PLXDC2: variants seen among roughly 807,000 people sequenced by gnomAD.
The protein encoded by PLXDC2 is plexin domain-containing protein 2.
PLXDC2 carries 40 observed loss-of-function variants against 68.9 expected under a neutral mutation model. That is an observed-to-expected ratio of 0.58 (90% CI 0.45 to 0.76). PLXDC2 has a LOEUF of 0.76. Ranked by LOEUF, PLXDC2 falls within the 30% of genes least tolerant of loss-of-function variation. PLXDC2 has a pLI of 0.00. For synonymous variants in PLXDC2, 243 were observed against 234.2 expected (o/e 1.04, Z -0.34); for missense variants, 644 against 661.9 (o/e 0.97, Z 0.30).
At chr10:20,005,516 A>G (rs1164599806) in intron 2 of PLXDC2, among the ~76,000 whole-genome samples, 1 of 152,076 alleles carries the variant, frequency 6.6e-6, no homozygotes, top group African/African-American at 2.4e-5. Context: ...ATTCATAAAG[A>G]GAAGAGGTTG....
chr10:20,117,763 A>C (rs1400397982), intron 4 of PLXDC2, among the ~76,000 whole-genome samples: 1 of 152,192 alleles, frequency 6.6e-6, no homozygotes, highest in Non-Finnish European at 1.5e-5. Flanking sequence ...CCTAAAATAG[A>C]GTTGATGAAT....
chr10:19,942,678 C>T (rs1430267468), intron 1 of PLXDC2, among the ~76,000 whole-genome samples: 4 of 152,098 alleles, frequency 2.6e-5, no homozygotes. Flanking sequence ...GCAGGAGAAT[C>T]CCTTGAACCT....
At chr10:20,183,849 G>T (rs747104746) in intron 9 of PLXDC2, among the ~76,000 whole-genome samples, 1 of 151,934 alleles carries the variant, frequency 6.6e-6, no homozygotes, top group Non-Finnish European at 1.5e-5. Context: ...TTGGAGCATG[G>T]CATAAGATAT....
rs865915945 is a variant in PLXDC2 at position 19,837,382 on chromosome 10, A to G, written c.112+20191A>G. Among the ~76,000 whole-genome samples, 9 of 107,306 alleles carry G rather than the reference A, an allele frequency of 8.4e-5. No individual in the cohort carries two copies. In the East Asian group the frequency reaches 2.5e-3, roughly 29 times the overall value. 70.4% of individuals were successfully genotyped at this position (107,306 alleles called of 152,430 possible). ...ACATTGCTCTGTTTTCTCATTGAGT[A>G]AGTGAGAGAGAGAGAGAGAGAGAGA... On this transcript the variant is annotated intron_variant, in intron 1 of 13. Coordinates refer to ENST00000377252, the MANE Select transcript of PLXDC2 (RefSeq NM_032812.9).
At chr10:20,129,486 T>C (rs1833835622) in intron 4 of PLXDC2, among the ~76,000 whole-genome samples, 1 of 150,114 alleles carries the variant, frequency 6.7e-6, no homozygotes, top group Non-Finnish European at 1.5e-5. Flanking sequence ...CATTTGTCCA[T>C]TTGTGTTTTG....
chr10:19,973,161 G>A (rs575121659), intron 1 of PLXDC2, among the ~76,000 whole-genome samples: 1 of 150,596 alleles, frequency 6.6e-6, no homozygotes, highest in South Asian at 2.1e-4. Flanking sequence ...CTATATCTTT[G>A]TGAAAATGTT....
chr10:19,818,475 A>G (rs1314292692), intron 1 of PLXDC2, among the ~76,000 whole-genome samples: 1 of 152,068 alleles, frequency 6.6e-6, no homozygotes, highest in South Asian at 2.1e-4. Flanking sequence ...AAACTGTTCT[A>G]GATAAAGCAC....
intron 9 of PLXDC2, among the ~76,000 whole-genome samples, chr10:20,208,378 TTG>T (rs1271864872): frequency 6.6e-6 from 1 of 152,096 alleles, no homozygotes; most frequent in African/African-American, 2.4e-5. Context: ...CCATCAGATC[TTG>T]TGAGACTTAT....
chr10:19,845,975 T>C (rs1487309618), intron 1 of PLXDC2, among the ~76,000 whole-genome samples: 2 of 152,194 alleles, frequency 1.3e-5, no homozygotes, highest in Admixed American at 6.5e-5. Context: ...GCCCTGGCCC[T>C]GGAGTTGAAT....
Position 19,912,606 on chromosome 10 carries a change from C to A in PLXDC2, c.113-89169C>A, listed in dbSNP as rs1431022381. Among the ~76,000 whole-genome samples, 3 of 151,954 alleles carry A rather than the reference C, an allele frequency of 2.0e-5. No individual in the cohort carries two copies. In the East Asian group the frequency reaches 5.8e-4, roughly 29 times the overall value. ...CATCTGTTGATACGAGATATTGGTG[C>A]CATCTATTTTCTTTACTCTTCCTTA... On this transcript the variant is annotated intron_variant, in intron 1 of 13. Transcript: ENST00000377252.
rs550570078 is a variant in PLXDC2, at chr10:20,229,935, A to G, written c.1312+10833A>G. Among the ~76,000 whole-genome samples, 3 of 152,364 alleles carry G rather than the reference A, an allele frequency of 2.0e-5. No individual in the cohort carries two copies. In the East Asian group the frequency reaches 5.8e-4, roughly 29 times the overall value. On this transcript the variant is annotated intron_variant, in intron 12 of 13. Coordinates refer to ENST00000377252, the MANE Select transcript of PLXDC2 (RefSeq NM_032812.9). ...ACTCACCAGCCACTAAAGAAAAAAAATGCAAAAACATACAGCTCAAAATTC... is the reference window on the plus strand; with the variant it reads ...ACTCACCAGCCACTAAAGAAAAAAAGTGCAAAAACATACAGCTCAAAATTC...
At chr10:19,952,338 G>T (rs1452836689) in intron 1 of PLXDC2, among the ~76,000 whole-genome samples, 1 of 152,038 alleles carries the variant, frequency 6.6e-6, no homozygotes, top group Non-Finnish European at 1.5e-5. Flanking sequence ...CAGCCTTTTT[G>T]CCAGCTGACT....
At chr10:19,890,295 G>A (rs1262564953) in intron 1 of PLXDC2, among the ~76,000 whole-genome samples, 1 of 151,844 alleles carries the variant, frequency 6.6e-6, no homozygotes, top group Non-Finnish European at 1.5e-5. Flanking sequence ...GGTTTGTTAT[G>A]TGGATGTACT....
intron 13 of PLXDC2, among the ~76,000 whole-genome samples, chr10:20,259,515 GT>G (rs910152576): frequency 1.3e-5 from 2 of 152,208 alleles, no homozygotes; most frequent in African/African-American, 4.8e-5. Context: ...TTAGCTGACA[GT>G]TTATGGCCAA....
At chr10:19,997,980 G>T (rs1000499292) in intron 1 of PLXDC2, among the ~76,000 whole-genome samples, 1 of 152,312 alleles carries the variant, frequency 6.6e-6, no homozygotes. Flanking sequence ...GATGCATTTA[G>T]TGTTTCCATG....
intron 4 of PLXDC2, among the ~76,000 whole-genome samples, chr10:20,131,655 C>T (rs1218686302): frequency 6.6e-6 from 1 of 152,184 alleles, no homozygotes; most frequent in Non-Finnish European, 1.5e-5. Context: ...CTGCCTCAGC[C>T]TCCCAAAGTG....
In PLXDC2 at chr10:20,285,932, A is replaced by T. The variant is rs1836147929; in HGVS notation, c.*6113A>T. 6.6e-6 allele frequency: 1 copy of T among 152,170 alleles called. No homozygotes were observed. The highest frequency in any genetic ancestry group is 1.5e-5 in the Non-Finnish European group (1 of 68,030). The allele number at this position is 152,170 out of a possible 1,614,324, so 9.4% of individuals were successfully genotyped here. On this transcript the variant is annotated 3_prime_UTR_variant, in exon 14 of 14. Transcript: ENST00000377252. ...ACTTCTTAAGGTTTTGATTAAGTTG[A>T]TCTAGCCTCAACTTAAATTGTAATA...
At chr10:20,100,764 C>T (rs894542499) in intron 4 of PLXDC2, among the ~76,000 whole-genome samples, 1 of 152,016 alleles carries the variant, frequency 6.6e-6, no homozygotes, top group Non-Finnish European at 1.5e-5. Flanking sequence ...ATTCTCTGTT[C>T]AATCAGGTGA....
At chr10:20,198,732 C>G (rs368242427) in intron 9 of PLXDC2, among the ~76,000 whole-genome samples, 1 of 152,078 alleles carries the variant, frequency 6.6e-6, no homozygotes, top group Admixed American at 6.6e-5. Context: ...CTGCTATAAT[C>G]TGATGTGTTT....
Sources: allele counts gnomAD v4.1 joint callset (sites outside exome capture counted in the v4.1 genomes callset), GRCh38; gene constraint gnomAD v4.1.1; transcripts MANE v1.5; gene names NCBI Gene and HGNC (gene_info 2026-07-23, HGNC 2026-07-21).